The following CREB5 variants were observed in gnomAD, a reference collection of about 807,000 sequenced individuals.
CREB5 encodes the protein cyclic AMP-responsive element-binding protein 5.
Under a neutral mutation model 57.1 loss-of-function variants are expected in CREB5, and 19 were observed. The ratio of observed to expected loss-of-function variants is 0.33; its 90% CI spans 0.23 to 0.49. The LOEUF is 0.49. Ranked by LOEUF, CREB5 falls within the 20% of genes least tolerant of loss-of-function variation. The pLI is 0.99. For missense variants in CREB5, 579 were observed against 671.6 expected, an observed-to-expected ratio of 0.86 and a Z score of 1.52; for synonymous variants, 238 against 238.3, an observed-to-expected ratio of 1.00 and a Z score of 0.01.
At chr7:28,653,077 C>T (rs147673522) in intron 5 of CREB5, among the ~76,000 whole-genome samples, 3 of 152,186 alleles carry the variant, frequency 2.0e-5, no homozygotes, top group African/African-American at 4.8e-5. Context: ...GTGTGTGATT[C>T]GGCAGAGAGT....
intron 2 of CREB5, among the ~76,000 whole-genome samples, chr7:28,488,550 A>G (rs1398596314): frequency 6.6e-6 from 1 of 152,216 alleles, no homozygotes; most frequent in African/African-American, 2.4e-5. Context: ...CAGGGCCATC[A>G]TTTCAGAAAG....
intron 4 of CREB5, among the ~76,000 whole-genome samples, chr7:28,521,284 AT>A (rs1398064031): frequency 1.3e-5 from 2 of 152,218 alleles, no homozygotes; most frequent in African/African-American, 4.8e-5. Context: ...TTCACTTGGC[AT>A]AAGGTAGTCA....
intron 4 of CREB5, among the ~76,000 whole-genome samples, chr7:28,524,360 C>T (rs886241469): frequency 1.4e-4 from 20 of 147,344 alleles, no homozygotes; most frequent in African/African-American, 4.4e-4. Context: ...CACACACACA[C>T]GGCAGATGTG....
intron 2 of CREB5, among the ~76,000 whole-genome samples, chr7:28,494,504 A>G (rs1045709370): frequency 1.3e-5 from 2 of 152,230 alleles, no homozygotes; most frequent in Admixed American, 6.5e-5. Context: ...TTAGTGATTA[A>G]TCAGCATAGT....
At chr7:28,637,074 A>G (rs925325196) in intron 5 of CREB5, among the ~76,000 whole-genome samples, 1 of 152,116 alleles carries the variant, frequency 6.6e-6, no homozygotes, top group East Asian at 1.9e-4. Flanking sequence ...GGATCACTTG[A>G]GCCCAGGAGG....
intron 5 of CREB5, among the ~76,000 whole-genome samples, chr7:28,688,931 C>G (rs1801095140): frequency 6.6e-6 from 1 of 152,200 alleles, no homozygotes; most frequent in Non-Finnish European, 1.5e-5. Context: ...TAATGCTCTG[C>G]TTGTGACTGA....
At chr7:28,370,597 T>C (rs181277672) in intron 1 of CREB5, among the ~76,000 whole-genome samples, 5 of 152,270 alleles carry the variant, frequency 3.3e-5, no homozygotes, top group African/African-American at 1.2e-4. Flanking sequence ...TTGGGGAAAA[T>C]ATATTTTATA....
At chr7:28,584,974 G>A (rs954564882) in intron 5 of CREB5, among the ~76,000 whole-genome samples, 3 of 152,176 alleles carry the variant, frequency 2.0e-5, no homozygotes, top group African/African-American at 7.2e-5. Flanking sequence ...GAAAGGGAAC[G>A]AAGAGGCCTG....
intron 7 of CREB5, among the ~76,000 whole-genome samples, chr7:28,799,474 T>G (rs551966324): frequency 4.6e-5 from 7 of 152,244 alleles, no homozygotes; most frequent in Non-Finnish European, 8.8e-5. Flanking sequence ...CATTATTGTC[T>G]TGGCCTTAAC....
intron 5 of CREB5, among the ~76,000 whole-genome samples, chr7:28,609,768 C>T (rs1161393764): frequency 6.6e-6 from 1 of 152,178 alleles, no homozygotes; most frequent in Non-Finnish European, 1.5e-5. Flanking sequence ...GCTGGGAGCC[C>T]ACAGCTGTTG....
chr7:28,741,714 T>A (rs1420757348), intron 7 of CREB5, among the ~76,000 whole-genome samples: 4 of 152,146 alleles, frequency 2.6e-5, no homozygotes, highest in Admixed American at 6.5e-5. Context: ...GATTCATTGT[T>A]TAGCAAGGGC....
At chr7:28,332,274 A>G (rs1380319495) in intron 1 of CREB5, among the ~76,000 whole-genome samples, 1 of 152,072 alleles carries the variant, frequency 6.6e-6, no homozygotes, top group African/African-American at 2.4e-5. Context: ...GGACTTTTGA[A>G]CTCCAGAACC....
intron 1 of CREB5, among the ~76,000 whole-genome samples, chr7:28,300,940 G>C (rs1283718034): frequency 1.3e-5 from 2 of 152,206 alleles, no homozygotes; most frequent in Non-Finnish European, 2.9e-5. Flanking sequence ...CTGACTCAGA[G>C]ACTGGGTTTG....
intron 7 of CREB5, among the ~76,000 whole-genome samples, chr7:28,773,941 G>T (rs56389942): frequency 0.29 from 43,897 of 152,076 alleles, 6,898 homozygotes; most frequent in South Asian, 0.41. Context: ...GGATGGAGGT[G>T]TGTTTTCCAA....
chr7:28,390,185 TGGG>T (rs1025009308), intron 1 of CREB5, among the ~76,000 whole-genome samples: 2 of 152,140 alleles, frequency 1.3e-5, no homozygotes, highest in Non-Finnish European at 2.9e-5. Flanking sequence ...GATGATTGCC[TGGG>T]GCTCTGCTGA....
At chr7:28,442,012 A>C (rs965912411) in intron 1 of CREB5, among the ~76,000 whole-genome samples, 3 of 151,954 alleles carry the variant, frequency 2.0e-5, no homozygotes, top group Non-Finnish European at 4.4e-5. Context: ...AACCATATTC[A>C]CCCTATAGTG....
intron 5 of CREB5, among the ~76,000 whole-genome samples, chr7:28,582,212 G>A (rs1160804139): frequency 6.6e-6 from 1 of 152,040 alleles, no homozygotes; most frequent in Non-Finnish European, 1.5e-5. Flanking sequence ...CCTGTCCTTA[G>A]GTAAAATTTC....
chr7:28,781,649 T>A (rs1806978507), intron 7 of CREB5, among the ~76,000 whole-genome samples: 1 of 152,186 alleles, frequency 6.6e-6, no homozygotes, highest in Non-Finnish European at 1.5e-5. Flanking sequence ...CTCTCACTTT[T>A]AAAAGTATAA....
chr7:28,587,488 T>C (rs1796344796), intron 5 of CREB5, among the ~76,000 whole-genome samples: 1 of 151,220 alleles, frequency 6.6e-6, no homozygotes, highest in African/African-American at 2.4e-5. Context: ...GGTAGCAGGA[T>C]TCTTCGGGAG....
Sources: allele counts gnomAD v4.1 joint callset (sites outside exome capture counted in the v4.1 genomes callset), GRCh38; gene constraint gnomAD v4.1.1; transcripts MANE v1.5; gene names NCBI Gene and HGNC (gene_info 2026-07-23, HGNC 2026-07-21).